The following SORCS3 variants were observed in gnomAD, a reference collection of about 807,000 sequenced individuals.
SORCS3 encodes sortilin related VPS10 domain containing receptor 3, also known as VPS10 domain-containing receptor SorCS3.
SORCS3 carries 57 observed loss-of-function variants against 146.3 expected under a neutral mutation model. The observed-to-expected ratio is 0.39, with a 90% CI of 0.31 to 0.49. The LOEUF (loss-of-function observed/expected upper bound fraction) is 0.49. Ranked by LOEUF, SORCS3 falls within the 20% of genes least tolerant of loss-of-function variation. The pLI is 0.92. For synonymous variants in SORCS3, 653 were observed against 618.5 expected, an observed-to-expected ratio of 1.06 and a Z score of -0.83; for missense variants, 1,341 against 1,575.5, an observed-to-expected ratio of 0.85 and a Z score of 2.52.
At chr10:105,060,133 G>C (rs1428387877) in intron 5 of SORCS3, among the ~76,000 whole-genome samples, 1 of 152,170 alleles carries the variant, frequency 6.6e-6, no homozygotes, top group Non-Finnish European at 1.5e-5. Flanking sequence ...GTTCATGGAG[G>C]AGTTGGAATT....
chr10:104,690,716 C>T (rs2016100973), intron 1 of SORCS3, among the ~76,000 whole-genome samples: 2 of 152,110 alleles, frequency 1.3e-5, no homozygotes, highest in African/African-American at 2.4e-5. Flanking sequence ...TTGATGAGGA[C>T]GAGGTCTTGG....
At chr10:105,030,288 G>T (rs1347196027) in intron 4 of SORCS3, among the ~76,000 whole-genome samples, 1 of 152,214 alleles carries the variant, frequency 6.6e-6, no homozygotes, top group Non-Finnish European at 1.5e-5. Flanking sequence ...TGAGTAGGCA[G>T]TTCTGCTGAT....
chr10:104,863,392 C>T (rs78638586), intron 2 of SORCS3, among the ~76,000 whole-genome samples: 7,845 of 152,244 alleles, frequency 0.052, 626 homozygotes, highest in African/African-American at 0.17. Flanking sequence ...TCTCCTCTTA[C>T]GCATTTTTAG....
chr10:104,737,580 T>A (rs908293032), intron 1 of SORCS3, among the ~76,000 whole-genome samples: 11 of 152,306 alleles, frequency 7.2e-5, no homozygotes, highest in African/African-American at 2.6e-4. Flanking sequence ...ATGTCTTCTT[T>A]TGAGAAGTGT....
chr10:104,732,685 A>G (rs1381098446), intron 1 of SORCS3, among the ~76,000 whole-genome samples: 1 of 152,172 alleles, frequency 6.6e-6, no homozygotes, highest in Non-Finnish European at 1.5e-5. Flanking sequence ...TAAAATGTGC[A>G]TATTGTGGGC....
intron 1 of SORCS3, among the ~76,000 whole-genome samples, chr10:104,719,151 C>T (rs1181208269): frequency 6.6e-6 from 1 of 152,180 alleles, no homozygotes; most frequent in Non-Finnish European, 1.5e-5. Context: ...CTAAGCCCAT[C>T]TCAATTCTGA....
chr10:104,796,699 T>C (rs2017560842), intron 1 of SORCS3, among the ~76,000 whole-genome samples: 1 of 152,246 alleles, frequency 6.6e-6, no homozygotes, highest in South Asian at 2.1e-4. Context: ...TACATAAATG[T>C]AGCTTGTGAA....
At chr10:104,966,718 G>A (rs2054828287) in intron 3 of SORCS3, among the ~76,000 whole-genome samples, 1 of 152,122 alleles carries the variant, frequency 6.6e-6, no homozygotes, top group South Asian at 2.1e-4. Flanking sequence ...TCACTCAGCA[G>A]CAAGAAAGGG....
intron 2 of SORCS3, among the ~76,000 whole-genome samples, chr10:104,856,434 T>TTA (rs143278041): frequency 0.18 from 26,740 of 147,402 alleles, 5,485 homozygotes; most frequent in African/African-American, 0.51. Context: ...TGATATTATG[T>TTA]TATGATTATA....
chr10:104,966,366 G>A lies in SORCS3; in HGVS notation c.796-10969G>A, dbSNP rs145621001. 7.0e-3 allele frequency among the ~76,000 whole-genome samples: 1,067 copies of A among 152,216 alleles called. 12 individuals carry two copies. The highest frequency in any genetic ancestry group is 0.025 in the African/African-American group (1,030 of 41,540). On this transcript the variant is annotated intron_variant, in intron 3 of 26. Coordinates refer to ENST00000369701, the MANE Select transcript of SORCS3 (RefSeq NM_014978.3). ...ATCAATTATATCAGTGGGTTTAGCG[G>A]ATAGCTATGCTGTCATTGTTTTATA...
At chr10:104,868,486 C>T (rs1380056704) in intron 2 of SORCS3, among the ~76,000 whole-genome samples, 1 of 152,206 alleles carries the variant, frequency 6.6e-6, no homozygotes, top group Non-Finnish European at 1.5e-5. Flanking sequence ...TCACTTACAT[C>T]TTGCATTTCA....
chr10:104,977,440 C>G lies in SORCS3; in HGVS notation c.901C>G (p.Leu301Val). 1 of 1,613,598 alleles carries G rather than the reference C, an allele frequency of 6.2e-7. No individual in the cohort carries two copies. Among genetic ancestry groups the G allele is most frequent in the Non-Finnish European group, 8.5e-7 (1 of 1,179,834 alleles). The change falls in exon 4 of 27, where the codon CTC becomes GTC. Residue 301 changes from leucine (L) to valine (V), a missense_variant. Leu to Val is a conservative substitution (Grantham distance 32). Coordinates refer to ENST00000369701, the MANE Select transcript of SORCS3 (RefSeq NM_014978.3). Reference protein sequence around the residue: ...YRLTFYIQSLLFHPKQEDWVL... With the variant: ...YRLTFYIQSLVFHPKQEDWVL... ...GCTCACCTTCTATATCCAGAGCCTG[C>G]TCTTTCATCCCAAGCAAGAGGACTG...
At chr10:104,756,191 T>A (rs1040400653) in intron 1 of SORCS3, among the ~76,000 whole-genome samples, 1 of 152,194 alleles carries the variant, frequency 6.6e-6, no homozygotes. Context: ...AGTAAGAGGA[T>A]GCATGGTGGT....
intron 3 of SORCS3, among the ~76,000 whole-genome samples, chr10:104,960,670 C>G (rs1202270798): frequency 3.9e-5 from 6 of 152,146 alleles, no homozygotes; most frequent in African/African-American, 9.7e-5. Context: ...CCAATCACCT[C>G]TTAAAGGCTC....
intron 7 of SORCS3, among the ~76,000 whole-genome samples, chr10:105,117,134 G>A (rs529421029): frequency 6.6e-6 from 1 of 152,048 alleles, no homozygotes; most frequent in Admixed American, 6.6e-5. Flanking sequence ...TTCATAGGCT[G>A]TCTAGTGGGA....
At chr10:104,664,948 TGGA>T (rs1266221353) in intron 1 of SORCS3, 1 of 152,528 alleles carries the variant, frequency 6.6e-6, no homozygotes, top group Non-Finnish European at 1.5e-5. Context: ...GGGATCGGGG[TGGA>T]GGACATTCCT....
chr10:104,781,157 G>A (rs372551070), intron 1 of SORCS3, among the ~76,000 whole-genome samples: 2 of 152,156 alleles, frequency 1.3e-5, no homozygotes, highest in African/African-American at 4.8e-5. Context: ...TCTGCAGAAC[G>A]CTTTATAGCT....
intron 1 of SORCS3, among the ~76,000 whole-genome samples, chr10:104,661,492 C>T (rs1394384879): frequency 6.6e-6 from 1 of 152,182 alleles, no homozygotes; most frequent in African/African-American, 2.4e-5. Context: ...AGTGACATAC[C>T]TCAACAGGCA....
chr10:104,867,068 C>T (rs1272097308), intron 2 of SORCS3, among the ~76,000 whole-genome samples: 2 of 152,090 alleles, frequency 1.3e-5, no homozygotes, highest in Non-Finnish European at 2.9e-5. Context: ...CAAGATAGAC[C>T]ATGTCTCTGC....
Sources: gnomAD v4.1 joint callset for allele counts (sites outside exome capture counted in the v4.1 genomes callset) on GRCh38, gnomAD v4.1.1 for gene constraint, MANE v1.5 for transcripts, NCBI Gene and HGNC (gene_info 2026-07-23, HGNC 2026-07-21) for gene names.